Variants in HS6ST3 observed in about 807,000 individuals in gnomAD.
HS6ST3 encodes heparan sulfate 6-O-sulfotransferase 3.
HS6ST3 carries 12 observed loss-of-function variants against 36.7 expected under a neutral mutation model. That is an observed-to-expected ratio of 0.33 (90% CI 0.21 to 0.53). The LOEUF is 0.53. Among genes scored for constraint, HS6ST3 ranks in the 20% least tolerant of loss-of-function variants. The pLI, the probability that HS6ST3 is intolerant of heterozygous loss-of-function variation, is 0.95. For synonymous variants in HS6ST3, 240 were observed against 257.5 expected (o/e 0.93, Z 0.65); for missense variants, 584 against 640.9 (o/e 0.91, Z 0.96).
chr13:96,123,394 T>C (rs1325275451), intron 1 of HS6ST3, among the ~76,000 whole-genome samples: 1 of 152,208 alleles, frequency 6.6e-6, no homozygotes, highest in Admixed American at 6.5e-5. Context: ...AGTATCCAGA[T>C]TAAATAGAGT....
At chr13:96,802,067 G>A (rs1430012093) in intron 1 of HS6ST3, among the ~76,000 whole-genome samples, 1 of 152,122 alleles carries the variant, frequency 6.6e-6, no homozygotes, top group East Asian at 1.9e-4. Flanking sequence ...CAATGGAAGA[G>A]GAAGGAGTTC....
intron 1 of HS6ST3, among the ~76,000 whole-genome samples, chr13:96,706,484 G>A (rs1875430424): frequency 6.8e-6 from 1 of 146,366 alleles, no homozygotes; most frequent in Non-Finnish European, 1.5e-5. Context: ...TAAGTGATGA[G>A]TTACTAGGTG....
chr13:96,260,976 G>A (rs1406450864), intron 1 of HS6ST3, among the ~76,000 whole-genome samples: 1 of 151,994 alleles, frequency 6.6e-6, no homozygotes, highest in African/African-American at 2.4e-5. Context: ...TGCCTCTAAC[G>A]TTAACCCCCT....
chr13:96,333,891 GGAAGCTTATATA>G (rs2055085931), intron 1 of HS6ST3, among the ~76,000 whole-genome samples: 1 of 152,012 alleles, frequency 6.6e-6, no homozygotes, highest in African/African-American at 2.4e-5. Flanking sequence ...AGCTCCAGGG[GGAAGCTTATATA>G]TAGCAAGTGG....
At chr13:96,545,539 A>G (rs2056194677) in intron 1 of HS6ST3, among the ~76,000 whole-genome samples, 1 of 152,192 alleles carries the variant, frequency 6.6e-6, no homozygotes, top group African/African-American at 2.4e-5. Context: ...TGGAGATCAG[A>G]CTTAAGCGTA....
intron 1 of HS6ST3, among the ~76,000 whole-genome samples, chr13:96,622,527 A>G (rs963806555): frequency 1.3e-4 from 20 of 152,230 alleles, no homozygotes; most frequent in African/African-American, 4.8e-4. Context: ...TTAAATGGTT[A>G]AGAATATGTG....
At chr13:96,407,291 T>C (rs557648708) in intron 1 of HS6ST3, among the ~76,000 whole-genome samples, 3 of 152,332 alleles carry the variant, frequency 2.0e-5, no homozygotes, top group South Asian at 2.1e-4. Context: ...TACATCCTTA[T>C]ATAGTTCTTC....
intron 1 of HS6ST3, among the ~76,000 whole-genome samples, chr13:96,498,975 G>T (rs145214801): frequency 6.6e-6 from 1 of 151,708 alleles, no homozygotes; most frequent in Non-Finnish European, 1.5e-5. Context: ...TATCATTCAG[G>T]TCAGTATGCA....
At chr13:96,683,968 T>G (rs1219545185) in intron 1 of HS6ST3, among the ~76,000 whole-genome samples, 1 of 152,048 alleles carries the variant, frequency 6.6e-6, no homozygotes, top group African/African-American at 2.4e-5. Context: ...TCTTTGTATA[T>G]GGGGAAATCT....
At chr13:96,260,727 C>T (rs929816817) in intron 1 of HS6ST3, among the ~76,000 whole-genome samples, 1 of 151,914 alleles carries the variant, frequency 6.6e-6, no homozygotes, top group African/African-American at 2.4e-5. Context: ...GTAACCTCGG[C>T]CTCCCAGGTT....
chr13:96,768,213 T>C (rs1246191377), intron 1 of HS6ST3, among the ~76,000 whole-genome samples: 12 of 152,172 alleles, frequency 7.9e-5, no homozygotes, highest in Non-Finnish European at 1.6e-4. Context: ...GCTTGGAAGG[T>C]AGGTCACACT....
chr13:96,408,965 A>G (rs924135663), intron 1 of HS6ST3, among the ~76,000 whole-genome samples: 1 of 152,134 alleles, frequency 6.6e-6, no homozygotes, highest in Non-Finnish European at 1.5e-5. Context: ...CTGTAATCGA[A>G]CATCGTGCAA....
chr13:96,495,823 A>G (rs74106488), intron 1 of HS6ST3, among the ~76,000 whole-genome samples: 4,105 of 152,302 alleles, frequency 0.027, 181 homozygotes, highest in African/African-American at 0.089. Context: ...TGTGAGCAAA[A>G]CATCATAAAA....
chr13:96,137,762 C>A (rs1208014580), intron 1 of HS6ST3, among the ~76,000 whole-genome samples: 3 of 152,156 alleles, frequency 2.0e-5, no homozygotes, highest in Non-Finnish European at 4.4e-5. Flanking sequence ...CCCTACAAGG[C>A]CCATCCCTGT....
chr13:96,512,439 A>G lies in HS6ST3; in HGVS notation c.708-320051A>G, dbSNP rs1004764508. Among the ~76,000 whole-genome samples the G allele has an allele frequency of 5.9e-5, 9 of 152,174 alleles. 1 individual carries two copies. Among genetic ancestry groups the G allele is most frequent in the Middle Eastern group, 3.2e-3 (1 of 316 alleles). ...AAAATTCTCCAAAAATCCATTTGGA[A>G]CTCTTGATTGTGGCTGTACTGAATT... is the stretch of plus-strand genomic sequence containing the variant. On this transcript the variant is annotated intron_variant, in intron 1 of 1. Transcript: ENST00000376705.
intron 1 of HS6ST3, among the ~76,000 whole-genome samples, chr13:96,296,595 T>A (rs2139401500): frequency 6.6e-6 from 1 of 152,252 alleles, no homozygotes; most frequent in East Asian, 1.9e-4. Context: ...TGTTTTAGTA[T>A]TTTATAAAAT....
chr13:96,114,801 G>C (rs1040370675), intron 1 of HS6ST3, among the ~76,000 whole-genome samples: 1 of 152,188 alleles, frequency 6.6e-6, no homozygotes, highest in African/African-American at 2.4e-5. Context: ...CATGCCCCCA[G>C]GCCTAGTAAA....
intron 1 of HS6ST3, among the ~76,000 whole-genome samples, chr13:96,456,651 G>A (rs1282433270): frequency 6.6e-6 from 1 of 152,138 alleles, no homozygotes; most frequent in African/African-American, 2.4e-5. Flanking sequence ...AGCTGAGAAA[G>A]TGATCTAATA....
At chr13:96,245,828 G>T (rs557940577) in intron 1 of HS6ST3, among the ~76,000 whole-genome samples, 1 of 152,074 alleles carries the variant, frequency 6.6e-6, no homozygotes, top group East Asian at 1.9e-4. Context: ...TGCTTATTTG[G>T]GTCTACTCTG....
Sources: allele counts gnomAD v4.1 joint callset (sites outside exome capture counted in the v4.1 genomes callset), GRCh38; gene constraint gnomAD v4.1.1; transcripts MANE v1.5; gene names NCBI Gene and HGNC (gene_info 2026-07-23, HGNC 2026-07-21).